GLRB: variants seen among roughly 807,000 people sequenced by gnomAD.
GLRB encodes the protein glycine receptor beta.
In GLRB, 33 loss-of-function variants were observed where a neutral mutation model predicts 54.2. The ratio of observed to expected loss-of-function variants is 0.61; its 90% confidence interval spans 0.46 to 0.81. The LOEUF is 0.81. GLRB is among the 40% of genes least tolerant of loss of function. The probability of loss-of-function intolerance (pLI) is 0.00; values close to 1 mark genes in which losing one functional copy is unlikely to be tolerated. For missense variants in GLRB, 572 were observed against 584.6 expected (o/e 0.98, Z 0.22); for synonymous variants, 209 against 208.2 (o/e 1.00, Z -0.03).
chr4:157,159,733 G>C (rs929192019), intron 9 of GLRB, among the ~76,000 whole-genome samples: 1 of 152,166 alleles, frequency 6.6e-6, no homozygotes, highest in Non-Finnish European at 1.5e-5. Context: ...GATTCGGTTT[G>C]CCAGTATTTT....
At chr4:157,166,964 T>A (rs1219421973) in intron 9 of GLRB, among the ~76,000 whole-genome samples, 1 of 152,124 alleles carries the variant, frequency 6.6e-6, no homozygotes, top group African/African-American at 2.4e-5. Context: ...TGGCCTAGGT[T>A]ATAATATTAT....
At chr4:157,148,514 C>A (rs1220089218) in intron 8 of GLRB, among the ~76,000 whole-genome samples, 3 of 152,048 alleles carry the variant, frequency 2.0e-5, no homozygotes, top group African/African-American at 7.2e-5. Context: ...TTGTAAATTT[C>A]TCTGTAAGCA....
intron 2 of GLRB, among the ~76,000 whole-genome samples, chr4:157,101,462 G>A (rs556432902): frequency 6.6e-6 from 1 of 152,024 alleles, no homozygotes; most frequent in East Asian, 1.9e-4. Context: ...CTTAATCTAT[G>A]ACTCAATCTT....
rs779826547 is a variant in GLRB, at chr4:157,138,954, G to A, written c.751+5G>A. 2.7e-5 allele frequency: 36 copies of A among 1,328,464 alleles called. No homozygotes were observed. The East Asian group carries it at 6.9e-4, about 26-fold the overall frequency. The allele number at this position is 1,328,464 out of a possible 1,614,324, so 82.3% of individuals were successfully genotyped here. A position where few individuals can be genotyped will look rare whatever the true frequency, so the allele number is the denominator to read the frequency against. ...CAAAATACTATAAAGGCACGGGTAAGTAATATTCTTTAAATAAAACGAAGT... is the reference window on the plus strand; with the variant it reads ...CAAAATACTATAAAGGCACGGGTAAATAATATTCTTTAAATAAAACGAAGT... On this transcript the variant is annotated splice_donor_5th_base_variant and intron_variant, in intron 7 of 9. Transcript: ENST00000264428.
At chr4:157,160,464 C>T (rs944788299) in intron 9 of GLRB, among the ~76,000 whole-genome samples, 2 of 151,844 alleles carry the variant, frequency 1.3e-5, no homozygotes, top group African/African-American at 4.8e-5. Context: ...ATCTTGTGGG[C>T]ATTTAGTGCT....
chr4:157,138,929 C>T lies in GLRB; in HGVS notation c.731C>T (p.Thr244Ile), dbSNP rs1483472311. 1 of 1,460,214 alleles carries T rather than the reference C, an allele frequency of 6.8e-7. No individual in the cohort carries two copies. Among genetic ancestry groups the T allele is most frequent in the Non-Finnish European group, 9.6e-7 (1 of 1,041,668 alleles). 90.5% of individuals were successfully genotyped at this position (1,460,214 alleles called of 1,614,324 possible). A position where few individuals can be genotyped will look rare whatever the true frequency, so the allele number is the denominator to read the frequency against. The change falls in exon 7 of 10, where the codon ACA becomes ATA. Residue 244 changes from threonine to isoleucine, a missense_variant. By Grantham distance (89) the Thr-to-Ile change is moderately conservative (BLOSUM62 -1). Coordinates refer to ENST00000264428, the MANE Select transcript of GLRB (RefSeq NM_000824.5). ...GAAGATATTGAATATGGTAACTGTA[C>T]AAAATACTATAAAGGCACGGGTAAG... ...KKEDIEYGNC[T>I]KYYKGTGYYT...
At position 157,078,138 on chromosome 4, in the gene GLRB, A is replaced by G; in HGVS notation, c.114A>G (p.Leu38=). The part of the protein sequence containing the change: ...KKGKGKKKQY[L]CPSQQSAEDL... Reference sequence around the variant, plus strand: ...GGAAGGGGAAAAAGAAGCAGTATCTATGCCCATCGTATGTTCTTCATGTCT... The same window carrying G: ...GGAAGGGGAAAAAGAAGCAGTATCTGTGCCCATCGTATGTTCTTCATGTCT... Residue 38 remains leucine, a synonymous_variant, in exon 2 of 10, where the codon CTA becomes CTG. Transcript: ENST00000264428. 6.2e-7 allele frequency: 1 copy of G among 1,612,450 alleles called. No individual in the cohort carries two copies. Among genetic ancestry groups the G allele is most frequent in the Non-Finnish European group, 8.5e-7 (1 of 1,178,718 alleles).
intron 2 of GLRB, among the ~76,000 whole-genome samples, chr4:157,118,067 A>T (rs1409694816): frequency 6.6e-6 from 1 of 151,678 alleles, no homozygotes; most frequent in Admixed American, 6.6e-5. Context: ...GAAGAAGGAC[A>T]AAATTTGGTA....
At chr4:157,147,413 C>A (rs1023991017) in intron 8 of GLRB, among the ~76,000 whole-genome samples, 1 of 152,096 alleles carries the variant, frequency 6.6e-6, no homozygotes, top group African/African-American at 2.4e-5. Flanking sequence ...TGGACAGTTT[C>A]TTTGAAGTGA....
intron 2 of GLRB, among the ~76,000 whole-genome samples, chr4:157,078,467 T>G (rs1427749775): frequency 1.3e-5 from 2 of 152,014 alleles, no homozygotes; most frequent in African/African-American, 4.8e-5. Flanking sequence ...AATTGGATAC[T>G]GATATACTGT....
chr4:157,143,853 C>T lies in GLRB; in HGVS notation c.798C>T (p.Val266=), dbSNP rs148773767. ...VEVIFTLRRQ[V]GFYMMGVYAP... is the part of the protein sequence containing the mutation. ...TCATCTTCACCCTGAGGAGGCAGGT[C>T]GGCTTTTACATGATGGGGGTCTACG... The change falls in exon 8 of 10, where the codon GTC becomes GTT. Residue 266 remains valine (V), a synonymous_variant. Transcript: ENST00000264428. 6 of 1,613,610 alleles carry T rather than the reference C, an allele frequency of 3.7e-6. No individual in the cohort carries two copies. The highest frequency in any genetic ancestry group is 2.2e-5 in the East Asian group (1 of 44,856).
chr4:157,135,540 G>T (rs1736367503), intron 4 of GLRB, among the ~76,000 whole-genome samples: 1 of 152,032 alleles, frequency 6.6e-6, no homozygotes, highest in African/African-American at 2.4e-5. Flanking sequence ...CCCTGTACGT[G>T]CTGTCTTGCC....
chr4:157,094,935 A>G (rs1389130231), intron 2 of GLRB, among the ~76,000 whole-genome samples: 1 of 152,248 alleles, frequency 6.6e-6, no homozygotes, highest in Non-Finnish European at 1.5e-5. Context: ...ACTATCTGTA[A>G]TTATAAAATA....
At chr4:157,093,659 G>A (rs1167509712) in intron 2 of GLRB, among the ~76,000 whole-genome samples, 1 of 150,920 alleles carries the variant, frequency 6.6e-6, no homozygotes, top group African/African-American at 2.4e-5. Context: ...GGAGGCTGAG[G>A]CAGAAGAATC....
At chr4:157,146,882 G>A (rs1392330253) in intron 8 of GLRB, among the ~76,000 whole-genome samples, 1 of 152,056 alleles carries the variant, frequency 6.6e-6, no homozygotes, top group Non-Finnish European at 1.5e-5. Context: ...GAGATAAAAG[G>A]TATTTGTAGG....
chr4:157,153,205 C>T (rs372785948), intron 9 of GLRB, among the ~76,000 whole-genome samples, 195 bp downstream of exon 9: 11 of 152,014 alleles, frequency 7.2e-5, no homozygotes, highest in African/African-American at 1.9e-4. Context: ...ACGTTTAGGT[C>T]GAATACCACT....
chr4:157,161,565 G>T (rs1041148661), intron 9 of GLRB, among the ~76,000 whole-genome samples: 16 of 152,054 alleles, frequency 1.1e-4, no homozygotes, highest in East Asian at 3.9e-4. Context: ...GTCTGTAAAG[G>T]ATTTTATTTC....
At position 157,108,379 on chromosome 4, in the gene GLRB, G is replaced by A. The variant is rs567165607; in HGVS notation, c.123-12177G>A. 2.6e-5 allele frequency among the ~76,000 whole-genome samples: 4 copies of A among 152,162 alleles called. No individual in the cohort carries two copies. The South Asian group carries it at 8.3e-4, about 31-fold the overall frequency. On this transcript the variant is annotated intron_variant, in intron 2 of 9. Coordinates refer to ENST00000264428, the MANE Select transcript of GLRB (RefSeq NM_000824.5). ...CTTCTAGATACCATTAAGAACATTTGTTATTTATGAAAGGAAGTCAAAATA... is the reference window on the plus strand; with the variant it reads ...CTTCTAGATACCATTAAGAACATTTATTATTTATGAAAGGAAGTCAAAATA...
chr4:157,107,630 T>C (rs2126498347), intron 2 of GLRB, among the ~76,000 whole-genome samples: 1 of 152,170 alleles, frequency 6.6e-6, no homozygotes, highest in African/African-American at 2.4e-5. Flanking sequence ...ATTTGGAAGC[T>C]AGCAGAGGTT....
Sources: allele counts gnomAD v4.1 joint callset (sites outside exome capture counted in the v4.1 genomes callset), GRCh38; gene constraint gnomAD v4.1.1; transcripts MANE v1.5; gene names NCBI Gene and HGNC (gene_info 2026-07-23, HGNC 2026-07-21).